Variants in GNPAT observed in about 807,000 individuals in gnomAD.
GNPAT encodes dihydroxyacetone phosphate acyltransferase.
A neutral mutation model predicts 78.4 loss-of-function variants in GNPAT; 30 were observed. The observed-to-expected ratio is 0.38, with a 90% CI of 0.29 to 0.52. The LOEUF (loss-of-function observed/expected upper bound fraction) is 0.52. Ranked by LOEUF, GNPAT falls within the 20% of genes least tolerant of loss-of-function variation. The pLI is 0.84. For synonymous variants in GNPAT, 271 were observed against 281.1 expected (o/e 0.96, Z 0.36); for missense variants, 714 against 812.2 (o/e 0.88, Z 1.47).
At position 231,274,211 on chromosome 1, in the gene GNPAT, T is replaced by C. The variant is rs150458351; in HGVS notation, c.1743+149T>C. 4.0e-4 allele frequency: 311 copies of C among 783,414 alleles called. No individual in the cohort carries two copies. The East Asian group carries it at 6.7e-3, about 17-fold the overall frequency. The allele number at this position is 783,414 out of a possible 1,614,324, so 48.5% of individuals were successfully genotyped here. A position where few individuals can be genotyped will look rare whatever the true frequency, so the allele number is the denominator to read the frequency against. ...GAGAGTGACTAATACGATCAGTGAT[T>C]TCACCTCACCAGTGAGACCTTGCTC... On this transcript the variant is annotated intron_variant, in intron 12 of 15. Transcript: ENST00000366647.
intron 5 of GNPAT, 121 bp from the exon 6 acceptor site, chr1:231,265,591 A>T (rs951294532): frequency 1.1e-6 from 1 of 881,846 alleles, no homozygotes; most frequent in Non-Finnish European, 1.9e-6. Flanking sequence ...TTTAATTTTC[A>T]CTGTAAGCTG....
chr1:231,250,083 ATT>A lies in GNPAT; in HGVS notation c.79-877_79-876del, dbSNP rs1558325383. 3.8e-3 allele frequency among the ~76,000 whole-genome samples: 110 copies of A among 28,752 alleles called. 1 individual carries two copies. Among genetic ancestry groups the A allele is most frequent in the African/African-American group, 0.021 (109 of 5,210 alleles). 18.9% of individuals were successfully genotyped at this position (28,752 alleles called of 152,430 possible). On this transcript the variant is annotated intron_variant, in intron 1 of 15. Transcript: ENST00000366647. ...CAACAGAGCAAGACTGTACCTCTTT[ATT>A]ATTATTATTATTATTATTATTATTT...
At chr1:231,249,851 T>C (rs1684843190) in intron 1 of GNPAT, among the ~76,000 whole-genome samples, 1 of 152,150 alleles carries the variant, frequency 6.6e-6, no homozygotes, top group Admixed American at 6.5e-5. Flanking sequence ...AAAGTACTTT[T>C]TAAAAAATTA....
At chr1:231,268,775 G>A (rs1030962458) in intron 9 of GNPAT, among the ~76,000 whole-genome samples, 11 of 149,642 alleles carry the variant, frequency 7.4e-5, no homozygotes, top group Non-Finnish European at 1.0e-4. Flanking sequence ...GCATGGTGGC[G>A]TGCACCTGTA....
chr1:231,256,272 G>T (rs997142692), intron 2 of GNPAT, among the ~76,000 whole-genome samples: 5 of 152,026 alleles, frequency 3.3e-5, no homozygotes, highest in Admixed American at 3.3e-4. Context: ...AATTCAAGAT[G>T]TATAAGTCAA....
chr1:231,243,905 T>C (rs912161064), intron 1 of GNPAT, among the ~76,000 whole-genome samples: 1 of 152,042 alleles, frequency 6.6e-6, no homozygotes, highest in Non-Finnish European at 1.5e-5. Flanking sequence ...TAAATATATG[T>C]GTGTATATGT....
In GNPAT at chr1:231,270,969, A is replaced by T. The variant is rs1685549669; in HGVS notation, c.1491A>T (p.Val497=). The change falls in exon 10 of 16, where the codon GTA becomes GTT. Residue 497 remains valine (V), a synonymous_variant. Coordinates refer to ENST00000366647, the MANE Select transcript of GNPAT (RefSeq NM_014236.4). ...NIFVRPSLVA[V]ALQMTPGFRK... Reference sequence around the variant, plus strand: ...TTGTGCGCCCATCCTTAGTAGCAGTAGCATTGCAGATGACACCAGGGTTCA... The same window carrying T: ...TTGTGCGCCCATCCTTAGTAGCAGTTGCATTGCAGATGACACCAGGGTTCA... 1 of 1,614,120 alleles carries T rather than the reference A, an allele frequency of 6.2e-7. No homozygotes were observed. The highest frequency in any genetic ancestry group is 8.5e-7 in the Non-Finnish European group (1 of 1,179,950).
chr1:231,265,543 T>C (rs894678422), intron 5 of GNPAT, 123 bp downstream of exon 5: 1 of 938,714 alleles, frequency 1.1e-6, no homozygotes, highest in Non-Finnish European at 1.8e-6. Flanking sequence ...GAACTGCTTA[T>C]AACCTCAGCA....
chr1:231,245,606 T>C (rs1004171286), intron 1 of GNPAT, among the ~76,000 whole-genome samples: 3 of 152,196 alleles, frequency 2.0e-5, no homozygotes, highest in Admixed American at 6.5e-5. Context: ...CAGTCTTCTA[T>C]TGGCTTGCAA....
rs1685373005 is a variant in GNPAT at position 231,266,003 on chromosome 1, G to GT, written c.773-10dup. ...ATATGTTGATGAAGCATTTCTCCCT[G>GT]TGTTTTGCAGGTCTTCTGAATATTG... On this transcript the variant is annotated splice_polypyrimidine_tract_variant and intron_variant, in intron 6 of 15. Transcript: ENST00000366647. The GT allele has an allele frequency of 6.2e-7, 1 of 1,609,972 alleles. No homozygotes were observed. Among genetic ancestry groups the GT allele is most frequent in the African/African-American group, 1.3e-5 (1 of 74,840 alleles).
chr1:231,275,300 C>A lies in GNPAT; in HGVS notation c.1823C>A (p.Thr608Lys). The change falls in exon 13 of 16, where the codon ACA becomes AAA. Residue 608 changes from threonine (T) to lysine (K), a missense_variant. Transcript: ENST00000366647. ...EQYLAAVRKF[T>K]SQLLDQGTSQ... ...TACTTGGCTGCAGTCAGAAAATTCA[C>A]AAGTCAGCTTCTCGATCAAGGTCAG... 1 of 1,611,988 alleles carries A rather than the reference C, an allele frequency of 6.2e-7. No homozygotes were observed. The highest frequency in any genetic ancestry group is 8.5e-7 in the Non-Finnish European group (1 of 1,177,992).
intron 9 of GNPAT, 66 bp downstream of exon 9, chr1:231,267,969 G>A: frequency 9.9e-7 from 1 of 1,014,882 alleles, no homozygotes. Context: ...ACCTGGACCT[G>A]AAAAATCTAT....
At chr1:231,272,766 C>G (rs989588146) in intron 11 of GNPAT, among the ~76,000 whole-genome samples, 1 of 152,096 alleles carries the variant, frequency 6.6e-6, no homozygotes, top group African/African-American at 2.4e-5. Context: ...GTCAAGAGAT[C>G]GAGACCATCC....
chr1:231,253,102 A>G (rs998230697), intron 2 of GNPAT, among the ~76,000 whole-genome samples: 4 of 152,042 alleles, frequency 2.6e-5, no homozygotes, highest in Non-Finnish European at 4.4e-5. Flanking sequence ...CCGAGTAGCT[A>G]GGACTACAGG....
intron 1 of GNPAT, among the ~76,000 whole-genome samples, chr1:231,242,066 C>CT (rs1553333717): frequency 6.6e-6 from 1 of 152,162 alleles, no homozygotes; most frequent in Non-Finnish European, 1.5e-5. Context: ...TCCCGCTTGT[C>CT]TTTTTTTCCT....
chr1:231,253,255 C>T (rs753891153), intron 2 of GNPAT, among the ~76,000 whole-genome samples: 31 of 152,340 alleles, frequency 2.0e-4, no homozygotes, highest in African/African-American at 5.8e-4. Flanking sequence ...AGGCGTGAGC[C>T]GCCACACCCG....
chr1:231,262,678 A>G, intron 3 of GNPAT, 45 bp from the exon 4 acceptor site: 2 of 1,487,120 alleles, frequency 1.3e-6, no homozygotes, highest in Non-Finnish European at 1.9e-6. Context: ...GTGATTTGAT[A>G]ACATGACAAC....
At position 231,262,715 on chromosome 1, in the gene GNPAT, C is replaced by T. The variant is rs1412186754; in HGVS notation, c.439-8C>T. The T allele has an allele frequency of 1.2e-5, 19 of 1,603,910 alleles. No homozygotes were observed. In the East Asian group the frequency reaches 2.7e-4, roughly 23 times the overall value. On this transcript the variant is annotated splice_polypyrimidine_tract_variant and splice_region_variant and intron_variant, in intron 3 of 15. Transcript: ENST00000366647. ...GAAATTATTCAAAATGTAACATTTA[C>T]TTTCAAGCTACAAAGAGCCATCCAG...
Position 231,241,294 on chromosome 1 carries a change from C to G in GNPAT, c.-85C>G. ...GCCGCCCTAGGCGAAGTAGGGCCGT[C>G]CTGAGCGAAAGAACCGCCCCCAGCA... On this transcript the variant is annotated 5_prime_UTR_variant, in exon 1 of 16. Coordinates refer to ENST00000366647, the MANE Select transcript of GNPAT (RefSeq NM_014236.4). 2 of 1,415,882 alleles carry G rather than the reference C, an allele frequency of 1.4e-6. No homozygotes were observed. Among genetic ancestry groups the G allele is most frequent in the Non-Finnish European group, 2.0e-6 (2 of 999,234 alleles). The allele number at this position is 1,415,882 out of a possible 1,614,324, so 87.7% of individuals were successfully genotyped here.
Sources: allele counts gnomAD v4.1 joint callset (sites outside exome capture counted in the v4.1 genomes callset), GRCh38; gene constraint gnomAD v4.1.1; transcripts MANE v1.5; gene names NCBI Gene and HGNC (gene_info 2026-07-23, HGNC 2026-07-21).